The following COQ3 variants were observed in gnomAD, a reference collection of about 807,000 sequenced individuals.
COQ3 encodes the protein coenzyme Q3, methyltransferase.
In COQ3, 29 loss-of-function variants were observed where a neutral mutation model predicts 33.1. The observed-to-expected ratio is 0.88, with a 90% CI of 0.65 to 1.19. The LOEUF (loss-of-function observed/expected upper bound fraction) is 1.19, where lower values mean the gene tolerates loss of function less well. Among genes scored for constraint, COQ3 ranks in the 50% most tolerant of loss-of-function variants. The probability of loss-of-function intolerance (pLI) is 0.00; values close to 1 mark genes in which losing one functional copy is unlikely to be tolerated. For missense variants in COQ3, 437 were observed against 430.7 expected, an observed-to-expected ratio of 1.01 and a Z score of -0.13; for synonymous variants, 173 against 157.8, an observed-to-expected ratio of 1.10 and a Z score of -0.72.
At chr6:99,371,374 T>C in intron 6 of COQ3, 54 bp downstream of exon 6, 1 of 1,162,116 alleles carries the variant, frequency 8.6e-7, no homozygotes, top group Non-Finnish European at 1.2e-6. Flanking sequence ...ATTACTGGCA[T>C]ATTAAAAGTT....
At chr6:99,370,344 C>CTTTTTTTTTTTTTTTTTTTTTTTTT in intron 6 of COQ3, among the ~76,000 whole-genome samples, 1 of 101,252 alleles carries the variant, frequency 9.9e-6, no homozygotes, top group African/African-American at 3.9e-5. Context: ...CTTTTCTTTA[C>CTTTTTTTTTTTTTTTTTTTTTTTTT]TTTTTTTTTT....
intron 6 of COQ3, among the ~76,000 whole-genome samples, chr6:99,370,492 G>T (rs1169466280): frequency 6.6e-6 from 1 of 151,554 alleles, no homozygotes. Flanking sequence ...GGGATTACAG[G>T]CATGCACCAC....
chr6:99,386,690 C>T (rs889940776), intron 1 of COQ3, among the ~76,000 whole-genome samples: 1 of 152,124 alleles, frequency 6.6e-6, no homozygotes, highest in African/African-American at 2.4e-5. Context: ...AGAAATTCTA[C>T]AATTTAGACA....
intron 1 of COQ3, among the ~76,000 whole-genome samples, chr6:99,390,273 C>A (rs898647381): frequency 1.3e-5 from 2 of 151,800 alleles, no homozygotes; most frequent in Non-Finnish European, 2.9e-5. Context: ...ACTATCCTAT[C>A]GGTAATCTAT....
intron 6 of COQ3, among the ~76,000 whole-genome samples, 184 bp downstream of exon 6, chr6:99,371,244 G>A (rs537264590): frequency 1.3e-5 from 2 of 152,280 alleles, no homozygotes; most frequent in East Asian, 3.9e-4. Context: ...AGGTAAAAGA[G>A]AAGTGGTATC....
Position 99,369,952 on chromosome 6 carries a change from A to C in COQ3, c.890-132T>G, listed in dbSNP as rs1774080611. ...ATGGATAGGAAAAGAAGAAAAAAAAAGGATTCCTAACTTAATGGGCAAGCG... is the reference window on the plus strand; with the variant it reads ...ATGGATAGGAAAAGAAGAAAAAAAACGGATTCCTAACTTAATGGGCAAGCG... On this transcript the variant is annotated intron_variant, in intron 6 of 6. Coordinates refer to ENST00000254759, the MANE Select transcript of COQ3 (RefSeq NM_017421.4). 1.3e-5 allele frequency: 8 copies of C among 633,860 alleles called. 1 individual carries two copies. In the South Asian group the frequency reaches 1.6e-4, roughly 13 times the overall value. 39.3% of individuals were successfully genotyped at this position (633,860 alleles called of 1,614,324 possible).
At chr6:99,370,344 C>CTTTTTTTTTTTTTTTTTTTTT in intron 6 of COQ3, among the ~76,000 whole-genome samples, 6 of 101,252 alleles carry the variant, frequency 5.9e-5, no homozygotes, top group Non-Finnish European at 7.3e-5. Flanking sequence ...CTTTTCTTTA[C>CTTTTTTTTTTTTTTTTTTTTT]TTTTTTTTTT....
chr6:99,378,821 A>G (rs1018691346), intron 3 of COQ3, among the ~76,000 whole-genome samples: 7 of 152,176 alleles, frequency 4.6e-5, no homozygotes, highest in Non-Finnish European at 1.0e-4. Context: ...ATGAACCAGC[A>G]AAAACCAACC....
chr6:99,385,820 T>C (rs1028905886), intron 1 of COQ3, among the ~76,000 whole-genome samples: 1 of 150,066 alleles, frequency 6.7e-6, no homozygotes, highest in African/African-American at 2.4e-5. Context: ...CTACTAAAAA[T>C]ACAAAAATTA....
intron 1 of COQ3, 146 bp downstream of exon 1, chr6:99,393,928 G>A (rs1198293492): frequency 4.8e-6 from 3 of 629,442 alleles, no homozygotes; most frequent in Non-Finnish European, 8.3e-6. Flanking sequence ...ACAATGGAGA[G>A]AGATGGGGCC....
chr6:99,391,853 G>C (rs1478671250), intron 1 of COQ3, among the ~76,000 whole-genome samples: 1 of 152,058 alleles, frequency 6.6e-6, no homozygotes, highest in Non-Finnish European at 1.5e-5. Context: ...ATAAAAATTA[G>C]CCATGCATTG....
At chr6:99,385,327 T>TC (rs1287012126) in intron 1 of COQ3, among the ~76,000 whole-genome samples, 1 of 152,124 alleles carries the variant, frequency 6.6e-6, no homozygotes, top group Non-Finnish European at 1.5e-5. Flanking sequence ...GTGAAACACT[T>TC]CCCCCAAACA....
chr6:99,393,110 C>G (rs1774875788), intron 1 of COQ3, among the ~76,000 whole-genome samples: 1 of 151,722 alleles, frequency 6.6e-6, no homozygotes, highest in Admixed American at 6.6e-5. Context: ...AAATCACCTA[C>G]TCTACCACAG....
chr6:99,373,449 T>G (rs933936471), intron 5 of COQ3, among the ~76,000 whole-genome samples: 2 of 146,348 alleles, frequency 1.4e-5, no homozygotes, highest in African/African-American at 5.0e-5. Flanking sequence ...AAAAAAAAAG[T>G]CACTTATGAA....
intron 2 of COQ3, among the ~76,000 whole-genome samples, chr6:99,381,869 T>C (rs1381587382): frequency 6.7e-6 from 1 of 148,336 alleles, no homozygotes. Context: ...GAGGCTACAG[T>C]GAGCTGAGAT....
At chr6:99,371,405 GA>G in intron 6 of COQ3, 22 bp downstream of exon 6, 1 of 1,548,098 alleles carries the variant, frequency 6.5e-7, no homozygotes, top group Admixed American at 2.2e-5. Context: ...TGGAAAATTG[GA>G]AAAAATTCTC....
In COQ3 at chr6:99,371,686, A is replaced by G. The variant is rs1774150139; in HGVS notation, c.730-99T>C. On this transcript the variant is annotated intron_variant, in intron 5 of 6. Transcript: ENST00000254759. ...CCTCCCTCCTCCTTTCTTCCAAATA[A>G]TCTGAGTGCCATTAAAATATATATG... The G allele has an allele frequency of 1.5e-5, 11 of 742,850 alleles. No individual in the cohort carries two copies. The East Asian group carries it at 3.0e-4, about 21-fold the overall frequency. 46.0% of individuals were successfully genotyped at this position (742,850 alleles called of 1,614,324 possible). A position where few individuals can be genotyped will look rare whatever the true frequency, so the allele number is the denominator to read the frequency against.
Position 99,369,486 on chromosome 6 carries a change from C to T in COQ3, c.*114G>A. 2 of 851,368 alleles carry T rather than the reference C, an allele frequency of 2.3e-6. No homozygotes were observed. Among genetic ancestry groups the T allele is most frequent in the African/African-American group, 1.7e-5 (1 of 59,070 alleles). 52.7% of individuals were successfully genotyped at this position (851,368 alleles called of 1,614,324 possible). A position where few individuals can be genotyped will look rare whatever the true frequency, so the allele number is the denominator to read the frequency against. On this transcript the variant is annotated 3_prime_UTR_variant, in exon 7 of 7. Coordinates refer to ENST00000254759, the MANE Select transcript of COQ3 (RefSeq NM_017421.4). ...AAAAACTTTTGTCCAAGGTTTTAGC[C>T]CTTTTTATTGACCTTCTTTTCTTCA...
intron 1 of COQ3, among the ~76,000 whole-genome samples, chr6:99,387,914 C>T (rs951528836): frequency 4.6e-5 from 7 of 152,154 alleles, no homozygotes. Flanking sequence ...CCTGTAATCC[C>T]AGCACTTTGG....
Sources: gnomAD v4.1 joint callset for allele counts (sites outside exome capture counted in the v4.1 genomes callset) on GRCh38, gnomAD v4.1.1 for gene constraint, MANE v1.5 for transcripts, NCBI Gene and HGNC (gene_info 2026-07-23, HGNC 2026-07-21) for gene names.